Variants in RPA3 observed in about 807,000 individuals in gnomAD.
The protein encoded by RPA3 is replication protein A3.
Under a neutral mutation model 13.7 loss-of-function variants are expected in RPA3, and 24 were observed. The ratio of observed to expected loss-of-function variants is 1.75; its 90% CI spans 1.27 to 2.46. The LOEUF (loss-of-function observed/expected upper bound fraction) is 2.46, where lower values mean the gene tolerates loss of function less well. Among genes scored for constraint, RPA3 ranks in the 30% most tolerant of loss-of-function variants. The pLI is 0.00. For missense variants in RPA3, 183 were observed against 151.0 expected (o/e 1.21, Z -1.11); for synonymous variants, 59 against 51.2 (o/e 1.15, Z -0.65).
intron 2 of RPA3, among the ~76,000 whole-genome samples, chr7:7,705,319 C>T (rs563145241): frequency 5.3e-5 from 8 of 152,250 alleles, no homozygotes; most frequent in Non-Finnish European, 1.0e-4. Context: ...AAAATAGAAT[C>T]TTAAAAATGT....
chr7:7,708,729 A>ATAAG (rs1780672813), intron 2 of RPA3, among the ~76,000 whole-genome samples: 1 of 152,208 alleles, frequency 6.6e-6, no homozygotes, highest in Non-Finnish European at 1.5e-5. Flanking sequence ...TTTGACTGAA[A>ATAAG]CGAGCAACTA....
rs868715208 is a variant in RPA3 at position 7,715,237 on chromosome 7, G to C, written c.-1079-11C>G. The C allele has an allele frequency of 6.6e-6, 1 of 152,136 alleles. No individual in the cohort carries two copies. The highest frequency in any genetic ancestry group is 2.4e-5 in the African/African-American group (1 of 41,424). The allele number at this position is 152,136 out of a possible 1,614,324, so 9.4% of individuals were successfully genotyped here. On this transcript the variant is annotated splice_polypyrimidine_tract_variant and intron_variant, in intron 1 of 7. Coordinates refer to ENST00000223129, the MANE Select transcript of RPA3 (RefSeq NM_002947.5). ...CCTTTTTCTGAGTACCTGAGACAAA[G>C]TGAACTACAAGTAGGATAAGAACTG...
intron 2 of RPA3, among the ~76,000 whole-genome samples, chr7:7,693,926 A>G (rs1439435493): frequency 9.2e-5 from 14 of 152,184 alleles, no homozygotes; most frequent in Admixed American, 9.2e-4. Context: ...ATTATTAAAA[A>G]GAAGAGCTTT....
intron 2 of RPA3, among the ~76,000 whole-genome samples, chr7:7,699,402 A>G (rs1262801053): frequency 6.6e-6 from 1 of 152,200 alleles, no homozygotes; most frequent in Non-Finnish European, 1.5e-5. Flanking sequence ...GAATTTTGTA[A>G]GAATTTTTGA....
At chr7:7,661,488 G>A (rs1226186527) in intron 4 of RPA3, among the ~76,000 whole-genome samples, 1 of 152,156 alleles carries the variant, frequency 6.6e-6, no homozygotes, top group African/African-American at 2.4e-5. Flanking sequence ...TTTCAGTGGG[G>A]TTTCTGAGTG....
chr7:7,708,482 T>C (rs902673328), intron 2 of RPA3, among the ~76,000 whole-genome samples: 1 of 152,202 alleles, frequency 6.6e-6, no homozygotes, highest in Non-Finnish European at 1.5e-5. Context: ...CCATTTTGGA[T>C]ATAAGGGGAT....
At chr7:7,703,154 C>T (rs144304860) in intron 2 of RPA3, among the ~76,000 whole-genome samples, 79 of 152,140 alleles carry the variant, frequency 5.2e-4, no homozygotes, top group African/African-American at 1.8e-3. Context: ...TTTTATTTGC[C>T]GAAAATAATT....
chr7:7,640,596 G>A lies in RPA3; in HGVS notation c.-178C>T. 1.6e-6 allele frequency: 1 copy of A among 625,874 alleles called. No homozygotes were observed. Among genetic ancestry groups the A allele is most frequent in the Non-Finnish European group, 2.8e-6 (1 of 351,558 alleles). The allele number at this position is 625,874 out of a possible 1,614,324, so 38.8% of individuals were successfully genotyped here. A position where few individuals can be genotyped will look rare whatever the true frequency, so the allele number is the denominator to read the frequency against. Reference sequence around the variant, plus strand: ...TCGCGCTGTCTCTGAAAGGGGTGGAGAAGGGGCTGGATGAGTCCGGAAGTG... The same window carrying A: ...TCGCGCTGTCTCTGAAAGGGGTGGAAAAGGGGCTGGATGAGTCCGGAAGTG... On this transcript the variant is annotated 5_prime_UTR_variant, in exon 5 of 8. Transcript: ENST00000223129.
intron 4 of RPA3, among the ~76,000 whole-genome samples, chr7:7,652,265 A>G (rs1424079394): frequency 6.6e-6 from 1 of 152,188 alleles, no homozygotes; most frequent in Non-Finnish European, 1.5e-5. Flanking sequence ...GTAAAGCAGT[A>G]TACTCTTGGT....
intron 4 of RPA3, among the ~76,000 whole-genome samples, chr7:7,642,117 G>C (rs1013779275): frequency 6.6e-6 from 1 of 152,058 alleles, no homozygotes; most frequent in Non-Finnish European, 1.5e-5. Context: ...ATAGGGGAGA[G>C]TACACACATC....
chr7:7,640,444 C>G lies in RPA3; in HGVS notation c.-26G>C. 6.2e-7 allele frequency: 1 copy of G among 1,608,236 alleles called. No homozygotes were observed. The highest frequency in any genetic ancestry group is 8.5e-7 in the Non-Finnish European group (1 of 1,175,792). On this transcript the variant is annotated 5_prime_UTR_variant, in exon 5 of 8. Coordinates refer to ENST00000223129, the MANE Select transcript of RPA3 (RefSeq NM_002947.5). ...GATTATGGTCCAAGACTGCGGCTGG[C>G]GGGAAACCCACGGACGACTGAAACT...
At position 7,640,832 on chromosome 7, in the gene RPA3, T is replaced by C; in HGVS notation, c.-414A>G. 5.1e-6 allele frequency: 1 copy of C among 194,892 alleles called. No individual in the cohort carries two copies. Among genetic ancestry groups the C allele is most frequent in the South Asian group, 7.1e-5 (1 of 14,024 alleles). The allele number at this position is 194,892 out of a possible 1,614,324, so 12.1% of individuals were successfully genotyped here. A position where few individuals can be genotyped will look rare whatever the true frequency, so the allele number is the denominator to read the frequency against. On this transcript the variant is annotated 5_prime_UTR_variant, in exon 5 of 8. Transcript: ENST00000223129. ...CGGGGCCAGCCTCAGGTACCTCGTC[T>C]CGCGGGAGGCGCCGCAACCTTACTG...
chr7:7,656,638 A>G (rs932460689), intron 4 of RPA3, among the ~76,000 whole-genome samples: 1 of 152,180 alleles, frequency 6.6e-6, no homozygotes, highest in Non-Finnish European at 1.5e-5. Flanking sequence ...CCTGCAAAGG[A>G]TATGAACTCA....
At chr7:7,688,134 G>T (rs943725723) in intron 2 of RPA3, among the ~76,000 whole-genome samples, 1 of 152,182 alleles carries the variant, frequency 6.6e-6, no homozygotes, top group African/African-American at 2.4e-5. Context: ...TTTTAGGTTT[G>T]TATTTTTGGG....
intron 4 of RPA3, among the ~76,000 whole-genome samples, chr7:7,657,368 T>C (rs574092857): frequency 1.3e-5 from 2 of 152,346 alleles, no homozygotes; most frequent in East Asian, 1.9e-4. Flanking sequence ...TTTGGTGTTT[T>C]AGTCATGAAG....
rs1232834699 is a variant in RPA3, at chr7:7,685,866, A to T, written c.-794T>A. 1 of 152,236 alleles carries T rather than the reference A, an allele frequency of 6.6e-6. No individual in the cohort carries two copies. The highest frequency in any genetic ancestry group is 1.5e-5 in the Non-Finnish European group (1 of 68,040). The allele number at this position is 152,236 out of a possible 1,614,324, so 9.4% of individuals were successfully genotyped here. On this transcript the variant is annotated 5_prime_UTR_variant, in exon 4 of 8. Transcript: ENST00000223129. ...AGTATCTCATAAAATAAGTAAGAAG[A>T]ATGTGGTAAATTAGTGTCGTATCTT...
intron 2 of RPA3, among the ~76,000 whole-genome samples, chr7:7,691,089 C>G (rs1178569678): frequency 1.3e-5 from 2 of 152,124 alleles, no homozygotes; most frequent in Non-Finnish European, 2.9e-5. Flanking sequence ...TGGAACTGAG[C>G]AGAAGTGTTA....
At chr7:7,702,490 T>G (rs1279947139) in intron 2 of RPA3, among the ~76,000 whole-genome samples, 1 of 152,206 alleles carries the variant, frequency 6.6e-6, no homozygotes, top group African/African-American at 2.4e-5. Context: ...CCAATAGCTT[T>G]TATATAAAAT....
chr7:7,644,863 G>C (rs1322000571), intron 4 of RPA3, among the ~76,000 whole-genome samples: 1 of 152,116 alleles, frequency 6.6e-6, no homozygotes, highest in African/African-American at 2.4e-5. Flanking sequence ...AACTGTGTTG[G>C]AATTTTGATC....
Sources: allele counts gnomAD v4.1 joint callset (sites outside exome capture counted in the v4.1 genomes callset), GRCh38; gene constraint gnomAD v4.1.1; transcripts MANE v1.5; gene names NCBI Gene and HGNC (gene_info 2026-07-23, HGNC 2026-07-21).